Variants in FBXL22 observed in about 807,000 individuals in gnomAD.
The protein encoded by FBXL22 is F-box and leucine rich repeat protein 22.
In FBXL22, 13 loss-of-function variants were observed where a neutral mutation model predicts 11.7. The ratio of observed to expected loss-of-function variants is 1.11; its 90% CI spans 0.73 to 1.77. The LOEUF (loss-of-function observed/expected upper bound fraction) is 1.77. Ranked by LOEUF, FBXL22 falls within the 40% of genes most tolerant of loss-of-function variation. FBXL22 has a pLI of 0.00. For synonymous variants in FBXL22, 160 were observed against 144.1 expected, an observed-to-expected ratio of 1.11 and a Z score of -0.79; for missense variants, 406 against 320.4, an observed-to-expected ratio of 1.27 and a Z score of -2.04.
intron 1 of FBXL22, among the ~76,000 whole-genome samples, chr15:63,598,610 C>T (rs928575265): frequency 6.6e-6 from 1 of 152,172 alleles, no homozygotes; most frequent in Middle Eastern, 3.2e-3. Flanking sequence ...GAAAAACACC[C>T]CCTTGATCAT....
At chr15:63,599,111 T>C (rs1337712113) in intron 1 of FBXL22, 1 of 1,229,412 alleles carries the variant, frequency 8.1e-7, no homozygotes, top group Non-Finnish European at 1.2e-6. Flanking sequence ...TGCAACCTCA[T>C]TTCTTCTTCT....
rs529024679 is a variant in FBXL22, at chr15:63,600,844, G to C, written c.501G>C (p.Val167=). ...ARVTNRTLAA[V]AADGRALQTL... The stretch of plus-strand genomic sequence containing the variant: ...TCACCAACCGCACGTTGGCTGCCGT[G>C]GCGGCGGACGGGCGCGCGCTGCAGA... Residue 167 remains valine (V), a synonymous_variant, in exon 2 of 2, where the codon GTG becomes GTC. Coordinates refer to ENST00000638704, the MANE Select transcript of FBXL22 (RefSeq NM_001367807.1). 7.3e-6 allele frequency: 9 copies of C among 1,230,062 alleles called. No individual in the cohort carries two copies. Among genetic ancestry groups the C allele is most frequent in the Non-Finnish European group, 9.1e-6 (9 of 986,938 alleles). The allele number at this position is 1,230,062 out of a possible 1,614,324, so 76.2% of individuals were successfully genotyped here. A position where few individuals can be genotyped will look rare whatever the true frequency, so the allele number is the denominator to read the frequency against.
downstream of FBXL22, chr15:63,601,590 G>C (rs748956236): frequency 9.5e-6 from 15 of 1,576,362 alleles, no homozygotes; most frequent in Non-Finnish European, 1.2e-5. Context: ...AGGGGCGCAC[G>C]GGCAGAAGGA....
chr15:63,601,732 T>G, downstream of FBXL22: 5 of 1,571,392 alleles, frequency 3.2e-6, no homozygotes, highest in Non-Finnish European at 4.3e-6. Context: ...GTTGAATGCT[T>G]ACATAAACTG....
At position 63,598,896 on chromosome 15, in the gene FBXL22, C is replaced by T. The variant is rs370306008; in HGVS notation, c.353+1151C>T. 3.3e-5 allele frequency among the ~76,000 whole-genome samples: 5 copies of T among 152,242 alleles called. No homozygotes were observed. In the East Asian group the frequency reaches 7.7e-4, roughly 23 times the overall value. On this transcript the variant is annotated intron_variant, in intron 1 of 1. Transcript: ENST00000638704. ...GGGGGAGGCGAATGGCACAACATGTCCTGAAGTTGTTCCATTCTTACTGTA... is the reference window on the plus strand; with the variant it reads ...GGGGGAGGCGAATGGCACAACATGTTCTGAAGTTGTTCCATTCTTACTGTA...
downstream of FBXL22, chr15:63,601,687 C>T (rs1566930381): frequency 1.2e-6 from 2 of 1,603,944 alleles, no homozygotes; most frequent in Middle Eastern, 1.7e-4. Context: ...CCCGCAGTGA[C>T]CGCACTCGCG....
At chr15:63,600,225 G>C (rs1190122725) in intron 1 of FBXL22, 1 of 987,956 alleles carries the variant, frequency 1.0e-6, no homozygotes. Flanking sequence ...CTGTCACTAG[G>C]CCACCTCCAA....
chr15:63,605,035 G>A (rs569848828), downstream of FBXL22, among the ~76,000 whole-genome samples: 280 of 152,114 alleles, frequency 1.8e-3, no homozygotes, highest in Non-Finnish European at 3.0e-3. Context: ...CACAGCCTGC[G>A]CAGCTGAGCA....
downstream of FBXL22, among the ~76,000 whole-genome samples, chr15:63,605,930 G>A (rs570496361): frequency 3.2e-4 from 48 of 152,332 alleles, 1 homozygote; most frequent in African/African-American, 1.2e-3. Context: ...CTTAGGTCAG[G>A]GTTCCAGATC....
rs937375537 is a variant in FBXL22 at position 63,600,818 on chromosome 15, G to A, written c.475G>A (p.Val159Ile). 3 of 1,230,718 alleles carry A rather than the reference G, an allele frequency of 2.4e-6. No homozygotes were observed. Among genetic ancestry groups the A allele is most frequent in the Non-Finnish European group, 3.0e-6 (3 of 987,350 alleles). The allele number at this position is 1,230,718 out of a possible 1,614,324, so 76.2% of individuals were successfully genotyped here. ...ACTGCGCCTGGAGAACTGCGCGCGC[G>A]TCACCAACCGCACGTTGGCTGCCGT... Reference protein sequence around the residue: ...RALRLENCARVTNRTLAAVAA... With the variant: ...RALRLENCARITNRTLAAVAA... Residue 159 changes from valine (V) to isoleucine (I), a missense_variant, in exon 2 of 2, where the codon GTC (valine) becomes ATC (isoleucine). Val to Ile is a conservative substitution (Grantham distance 29, BLOSUM62 3). Transcript: ENST00000638704.
chr15:63,603,799 C>CTGCAGTGTGA (rs2067399566), downstream of FBXL22, among the ~76,000 whole-genome samples: 1 of 152,214 alleles, frequency 6.6e-6, no homozygotes, highest in Non-Finnish European at 1.5e-5. Context: ...TGTCACACCA[C>CTGCAGTGTGA]CAGCTGCAGT....
downstream of FBXL22, among the ~76,000 whole-genome samples, chr15:63,607,187 A>C (rs1417672774): frequency 2.6e-5 from 4 of 151,954 alleles, no homozygotes; most frequent in African/African-American, 9.7e-5. Flanking sequence ...CTGGGACTAC[A>C]GGTGCCCACC....
chr15:63,597,470 G>C lies in FBXL22; in HGVS notation c.78G>C (p.Lys26Asn). The C allele has an allele frequency of 6.2e-7, 1 of 1,614,054 alleles. No homozygotes were observed. The highest frequency in any genetic ancestry group is 8.5e-7 in the Non-Finnish European group (1 of 1,180,026). The change falls in exon 1 of 2, where the codon AAG (lysine) becomes AAC (asparagine). Residue 26 changes from lysine to asparagine, a missense_variant. Coordinates refer to ENST00000638704, the MANE Select transcript of FBXL22 (RefSeq NM_001367807.1). The surrounding 1 kb of genome is among the most constrained non-coding windows in gnomAD (Gnocchi z 4.3). ...TGCACCTCTTCTCCTTCCTAGACAA[G>C]GACAGCAGGAAGAGCCTTGCCAGGA... The part of the protein sequence containing the change: ...CLLHLFSFLD[K>N]DSRKSLARTC...
intron 1 of FBXL22, chr15:63,600,291 T>C (rs1010222067): frequency 3.0e-5 from 30 of 1,004,804 alleles, no homozygotes; most frequent in Admixed American, 6.0e-5. Context: ...GGGCCTCAGC[T>C]TGAAGCTAGA....
At position 63,601,061 on chromosome 15, in the gene FBXL22, C is replaced by A; in HGVS notation, c.*22C>A. The A allele has an allele frequency of 8.1e-7, 1 of 1,231,130 alleles. No individual in the cohort carries two copies. 76.3% of individuals were successfully genotyped at this position (1,231,130 alleles called of 1,614,324 possible). On this transcript the variant is annotated 3_prime_UTR_variant, in exon 2 of 2. Coordinates refer to ENST00000638704, the MANE Select transcript of FBXL22 (RefSeq NM_001367807.1). ...CTAGACGCCGCCCCGCCGCTGCCCC[C>A]GGGGAAGGAGCGCAGCCCCAGACCG...
At chr15:63,601,510 G>T, downstream of FBXL22, 2 of 1,551,398 alleles carry the variant, frequency 1.3e-6, no homozygotes, top group Non-Finnish European at 8.7e-7. Flanking sequence ...GCCGGCTCCC[G>T]GAGTGTCCTG....
In FBXL22 at chr15:63,597,613, T is replaced by G. The variant is rs2067292696; in HGVS notation, c.221T>G (p.Leu74Arg). 5.6e-6 allele frequency: 9 copies of G among 1,613,838 alleles called. No individual in the cohort carries two copies. The highest frequency in any genetic ancestry group is 7.6e-6 in the Non-Finnish European group (9 of 1,180,012). Residue 74 changes from leucine (L) to arginine (R), a missense_variant, in exon 1 of 2, where the codon CTC (leucine) becomes CGC (arginine). By Grantham distance (102) the Leu-to-Arg change is moderately radical. Transcript: ENST00000638704. The surrounding 1 kb of genome is among the most constrained non-coding windows in gnomAD (Gnocchi z 4.3). The stretch of plus-strand genomic sequence containing the variant: ...CTCCTGGGCCCGGCACTCCGCAGCC[T>G]CTCCATCTGCTGGCACTCCAGCCGC... ...NFLLGPALRSLSICWHSSRVQ... is the reference protein window; with the variant it reads ...NFLLGPALRSRSICWHSSRVQ...
chr15:63,598,066 T>TG (rs1343150474), intron 1 of FBXL22, among the ~76,000 whole-genome samples: 1 of 152,158 alleles, frequency 6.6e-6, no homozygotes, highest in Non-Finnish European at 1.5e-5. Context: ...GGTCAGGCTC[T>TG]GGGAAAAGGC....
At position 63,597,575 on chromosome 15, in the gene FBXL22, G is replaced by C. The variant is rs779904348; in HGVS notation, c.183G>C (p.Gln61His). 1.2e-6 allele frequency: 2 copies of C among 1,614,116 alleles called. No homozygotes were observed. Among genetic ancestry groups the C allele is most frequent in the African/African-American group, 1.3e-5 (1 of 75,050 alleles). Residue 61 changes from glutamine to histidine, a missense_variant, in exon 1 of 2, where the codon CAG (glutamine) becomes CAC (histidine). Coordinates refer to ENST00000638704, the MANE Select transcript of FBXL22 (RefSeq NM_001367807.1). The surrounding 1 kb of genome is among the most constrained non-coding windows in gnomAD (Gnocchi z 4.3). ...ACTTCCGTTCCCTCACTGAACTCCA[G>C]AAGGACAACTTCCTCCTGGGCCCGG... ...LLHFRSLTELQKDNFLLGPAL... is the reference protein window; with the variant it reads ...LLHFRSLTELHKDNFLLGPAL...
Sources: allele counts gnomAD v4.1 joint callset (sites outside exome capture counted in the v4.1 genomes callset), GRCh38; gene constraint gnomAD v4.1.1; non-coding constraint Gnocchi (gnomAD v3.1); transcripts MANE v1.5; gene names NCBI Gene and HGNC (gene_info 2026-07-23, HGNC 2026-07-21).